Variants in IQCH observed in about 807,000 individuals in gnomAD.
IQCH encodes the protein IQ motif containing H.
IQCH carries 98 observed loss-of-function variants against 117.0 expected under a neutral mutation model. That is an observed-to-expected ratio of 0.84 (90% CI 0.71 to 0.99). The LOEUF is 0.99. Ranked by LOEUF, IQCH falls within the 50% of genes least tolerant of loss-of-function variation. IQCH has a pLI of 0.00. For synonymous variants in IQCH, 412 were observed against 448.2 expected, an observed-to-expected ratio of 0.92 and a Z score of 1.02; for missense variants, 1,102 against 1,243.8, an observed-to-expected ratio of 0.89 and a Z score of 1.72.
At chr15:67,449,868 T>A (rs1472160014) in intron 16 of IQCH, among the ~76,000 whole-genome samples, 1 of 152,256 alleles carries the variant, frequency 6.6e-6, no homozygotes, top group Non-Finnish European at 1.5e-5. Context: ...CATGGAATGT[T>A]CTTCCATTTG....
Position 67,425,096 on chromosome 15 carries a change from A to G in IQCH, c.2505+3519A>G, listed in dbSNP as rs1388478831. Among the ~76,000 whole-genome samples, 1 of 152,154 alleles carries G rather than the reference A, an allele frequency of 6.6e-6. No individual in the cohort carries two copies. The highest frequency in any genetic ancestry group is 2.4e-5 in the African/African-American group (1 of 41,438). On this transcript the variant is annotated intron_variant, in intron 16 of 20. Transcript: ENST00000335894. This position sits in a 1 kb window ranked among gnomAD's most constrained non-coding sequence, Gnocchi z 5.5. ...TTAGTGAAGATCCACACCTCTTCATATGTTTGTTTGCCCATTTATATATCT... is the reference window on the plus strand; with the variant it reads ...TTAGTGAAGATCCACACCTCTTCATGTGTTTGTTTGCCCATTTATATATCT...
chr15:67,494,550 A>G lies in IQCH; in HGVS notation c.2970+184A>G, dbSNP rs1270071897. Among the ~76,000 whole-genome samples, 1 of 152,188 alleles carries G rather than the reference A, an allele frequency of 6.6e-6. No individual in the cohort carries two copies. Among genetic ancestry groups the G allele is most frequent in the Admixed American group, 6.6e-5 (1 of 15,264 alleles). On this transcript the variant is annotated intron_variant, in intron 20 of 20. Transcript: ENST00000335894. This position sits in a 1 kb window ranked among gnomAD's most constrained non-coding sequence, Gnocchi z 5.5. ...GCTGTTAGTTAAATTTAATAGTTTGAAACTTTTTCTTTGAAATAGAGTTGA... is the reference window on the plus strand; with the variant it reads ...GCTGTTAGTTAAATTTAATAGTTTGGAACTTTTTCTTTGAAATAGAGTTGA...
chr15:67,338,330 G>GA (rs550145575), intron 5 of IQCH, among the ~76,000 whole-genome samples: 3 of 151,640 alleles, frequency 2.0e-5, no homozygotes, highest in African/African-American at 4.8e-5. Context: ...ACTTCATCCA[G>GA]AAAAAAAATC....
chr15:67,464,234 A>G (rs8038138), intron 16 of IQCH, among the ~76,000 whole-genome samples: 131,079 of 152,142 alleles, frequency 0.86, 56,521 homozygotes, highest in Middle Eastern at 0.9. Flanking sequence ...GATGCCAGGG[A>G]TGCTTCTGGA....
At chr15:67,298,941 TG>T (rs1321235116) in intron 4 of IQCH, among the ~76,000 whole-genome samples, 1 of 151,964 alleles carries the variant, frequency 6.6e-6, no homozygotes, top group Non-Finnish European at 1.5e-5. Context: ...AGGAAATCAG[TG>T]TATCAAAGAG....
At chr15:67,449,724 A>G (rs1185577687) in intron 16 of IQCH, among the ~76,000 whole-genome samples, 1 of 152,164 alleles carries the variant, frequency 6.6e-6, no homozygotes, top group Non-Finnish European at 1.5e-5. Context: ...TTTGGGTTCT[A>G]TATGAACTTT....
intron 4 of IQCH, among the ~76,000 whole-genome samples, chr15:67,331,124 T>G (rs538748652): frequency 4.7e-4 from 71 of 152,322 alleles, no homozygotes; most frequent in African/African-American, 1.6e-3. Flanking sequence ...ATGGTCACTA[T>G]ATGGATTTCC....
rs1444077804 is a variant in IQCH, at chr15:67,481,172, AT to A, written c.2799+5356del. Among the ~76,000 whole-genome samples, 2 of 152,176 alleles carry A rather than the reference AT, an allele frequency of 1.3e-5. No individual in the cohort carries two copies. The highest frequency in any genetic ancestry group is 2.9e-5 in the Non-Finnish European group (2 of 68,026). ...ATCTCAGAGTATGAATCCAACAAAG[AT>A]TATGGCATCCAGTACTGTATTAGTC... On this transcript the variant is annotated intron_variant, in intron 18 of 20. Transcript: ENST00000335894. The surrounding 1 kb of genome is among the most constrained non-coding windows in gnomAD (Gnocchi z 4.1).
At position 67,463,376 on chromosome 15, in the gene IQCH, C is replaced by A. The variant is rs956219910; in HGVS notation, c.2506-1751C>A. On this transcript the variant is annotated intron_variant, in intron 16 of 20. Transcript: ENST00000335894. The surrounding 1 kb of genome is among the most constrained non-coding windows in gnomAD (Gnocchi z 4.0). The stretch of plus-strand genomic sequence containing the variant: ...AACACAAACATGTTCTGATCCTCTG[C>A]AACTTTAGTTTTTAATTTCACTGGA... Among the ~76,000 whole-genome samples, 1 of 152,174 alleles carries A rather than the reference C, an allele frequency of 6.6e-6. No homozygotes were observed. The highest frequency in any genetic ancestry group is 1.5e-5 in the Non-Finnish European group (1 of 68,032).
chr15:67,348,409 A>G (rs1017041750), intron 6 of IQCH, among the ~76,000 whole-genome samples: 14 of 152,018 alleles, frequency 9.2e-5, no homozygotes, highest in African/African-American at 3.4e-4. Context: ...AGAACTAACA[A>G]GGAAGTTCAG....
At chr15:67,357,100 C>G (rs8030142) in intron 6 of IQCH, among the ~76,000 whole-genome samples, 47,645 of 152,074 alleles carry the variant, frequency 0.31, 7,871 homozygotes, top group African/African-American at 0.42. Flanking sequence ...GCCTTTTTAT[C>G]TAGGCAGTTT....
chr15:67,394,010 G>A (rs1200456617), intron 12 of IQCH, among the ~76,000 whole-genome samples: 4 of 152,068 alleles, frequency 2.6e-5, no homozygotes, highest in African/African-American at 7.3e-5. Context: ...TAAGTTACTT[G>A]CCTACATTAA....
chr15:67,471,728 A>T (rs1422795219), intron 17 of IQCH, among the ~76,000 whole-genome samples: 1 of 152,212 alleles, frequency 6.6e-6, no homozygotes, highest in Non-Finnish European at 1.5e-5. Context: ...CACTATTCCA[A>T]GGTCTTTACA....
chr15:67,416,804 T>C lies in IQCH; in HGVS notation c.2098-127T>C. The C allele has an allele frequency of 3.1e-6, 2 of 635,728 alleles. No homozygotes were observed. Among genetic ancestry groups the C allele is most frequent in the Non-Finnish European group, 4.8e-6 (2 of 419,332 alleles). 39.4% of individuals were successfully genotyped at this position (635,728 alleles called of 1,614,324 possible). A position where few individuals can be genotyped will look rare whatever the true frequency, so the allele number is the denominator to read the frequency against. On this transcript the variant is annotated intron_variant, in intron 14 of 20. Coordinates refer to ENST00000335894, the MANE Select transcript of IQCH (RefSeq NM_001031715.3). This position sits in a 1 kb window ranked among gnomAD's most constrained non-coding sequence, Gnocchi z 5.1. ...AGAGAGAACATTTTCAAAATGGCTT[T>C]CTGACTCTGGGTAAACAGTAACCAC...
intron 20 of IQCH, among the ~76,000 whole-genome samples, chr15:67,498,003 G>C (rs2083870683): frequency 6.6e-6 from 1 of 152,112 alleles, no homozygotes; most frequent in Non-Finnish European, 1.5e-5. Context: ...AAATTGACAA[G>C]ATGATCCTAA....
chr15:67,304,376 C>T, intron 4 of IQCH: 1 of 1,533,524 alleles, frequency 6.5e-7, no homozygotes, highest in Non-Finnish European at 8.7e-7. Context: ...TTGCAGGATC[C>T]TGAAAACATC....
At chr15:67,371,366 T>A in intron 8 of IQCH, 1 of 699,634 alleles carries the variant, frequency 1.4e-6, no homozygotes, top group Non-Finnish European at 2.1e-6. Flanking sequence ...TTTCATAGCT[T>A]AAAATGTCAA....
chr15:67,405,194 G>C lies in IQCH; in HGVS notation c.2097+4889G>C, dbSNP rs1025880773. 6.6e-6 allele frequency: 1 copy of C among 151,802 alleles called. No homozygotes were observed. The highest frequency in any genetic ancestry group is 1.5e-5 in the Non-Finnish European group (1 of 67,958). 9.4% of individuals were successfully genotyped at this position (151,802 alleles called of 1,614,324 possible). A position where few individuals can be genotyped will look rare whatever the true frequency, so the allele number is the denominator to read the frequency against. Reference sequence around the variant, plus strand: ...TTTTCTAGGTTAAGAAAAAATCTAGGTTATTATTTTTTCCAGTCATGAAAC... The same window carrying C: ...TTTTCTAGGTTAAGAAAAAATCTAGCTTATTATTTTTTCCAGTCATGAAAC... On this transcript the variant is annotated intron_variant, in intron 14 of 20. Coordinates refer to ENST00000335894, the MANE Select transcript of IQCH (RefSeq NM_001031715.3). This position sits in a 1 kb window ranked among gnomAD's most constrained non-coding sequence, Gnocchi z 4.8.
intron 8 of IQCH, among the ~76,000 whole-genome samples, chr15:67,363,322 G>A (rs1488134843): frequency 5.4e-5 from 8 of 147,242 alleles, no homozygotes; most frequent in Non-Finnish European, 1.0e-4. Flanking sequence ...TGCCACCTCT[G>A]CCTCCCTAGT....
Sources: gnomAD v4.1 joint callset for allele counts (sites outside exome capture counted in the v4.1 genomes callset) on GRCh38, gnomAD v4.1.1 for gene constraint, Gnocchi (gnomAD v3.1) non-coding constraint, MANE v1.5 for transcripts, NCBI Gene and HGNC (gene_info 2026-07-23, HGNC 2026-07-21) for gene names.